PCDH15: variants seen among roughly 807,000 people sequenced by gnomAD.
The protein encoded by PCDH15 is protocadherin-15.
In PCDH15, 129 loss-of-function variants were observed where a neutral mutation model predicts 178.5. The ratio of observed to expected loss-of-function variants is 0.72; its 90% CI spans 0.63 to 0.84. The LOEUF is 0.84. Ranked by LOEUF, PCDH15 falls within the 40% of genes least tolerant of loss-of-function variation. PCDH15 has a pLI of 0.00. For missense variants in PCDH15, 2,230 were observed against 2,099.9 expected (o/e 1.06, Z -1.21); for synonymous variants, 800 against 732.0 (o/e 1.09, Z -1.50).
chr10:54,740,622 C>T (rs1436557201), intron 1 of PCDH15, among the ~76,000 whole-genome samples: 2 of 151,928 alleles, frequency 1.3e-5, no homozygotes, highest in African/African-American at 2.4e-5. Flanking sequence ...TGACATTAAT[C>T]TACGTCCATC....
At position 55,449,043 on chromosome 10, in the gene PCDH15, T is replaced by C. The variant is rs1020031146; in HGVS notation, c.-156+178582A>G. ...CTAATGAATATGCTTAATATAATAT[T>C]TGTAATCAAATTTATAGATAGATCT... On this transcript the variant is annotated intron_variant, in intron 2 of 5. Transcript: ENST00000613346. Among the ~76,000 whole-genome samples, 8 of 152,184 alleles carry C rather than the reference T, an allele frequency of 5.3e-5. No homozygotes were observed. The South Asian group carries it at 1.7e-3, about 32-fold the overall frequency.
At chr10:54,918,130 T>C (rs2131841110) in intron 2 of PCDH15, among the ~76,000 whole-genome samples, 1 of 152,294 alleles carries the variant, frequency 6.6e-6, no homozygotes, top group Non-Finnish European at 1.5e-5. Context: ...CTTGCTTTTC[T>C]AGCTTGTTAA....
chr10:54,183,664 A>G, intron 12 of PCDH15, 71 bp from the exon 13 acceptor site: 3 of 1,552,672 alleles, frequency 1.9e-6, no homozygotes, highest in Non-Finnish European at 2.7e-6. Flanking sequence ...TTGCTCTTAC[A>G]GTTTAACAAG....
intron 21 of PCDH15, among the ~76,000 whole-genome samples, chr10:53,964,395 T>G (rs1480618089): frequency 3.4e-5 from 5 of 147,710 alleles, no homozygotes; most frequent in Non-Finnish European, 6.0e-5. Flanking sequence ...TAAATTTTAT[T>G]TATTCATAAA....
chr10:55,135,906 G>C (rs1342656945), intron 2 of PCDH15, among the ~76,000 whole-genome samples: 1 of 151,976 alleles, frequency 6.6e-6, no homozygotes, highest in Non-Finnish European at 1.5e-5. Flanking sequence ...ATACCTTCTT[G>C]TTGAATTTGT....
chr10:54,796,260 A>ATCTG (rs1375878608), intron 1 of PCDH15, among the ~76,000 whole-genome samples: 18 of 104,818 alleles, frequency 1.7e-4, no homozygotes, highest in African/African-American at 2.6e-4. Flanking sequence ...CTATCTATCT[A>ATCTG]TCTATCTATC....
chr10:54,125,521 C>T (rs1270195384), intron 15 of PCDH15, among the ~76,000 whole-genome samples: 1 of 152,144 alleles, frequency 6.6e-6, no homozygotes, highest in Admixed American at 6.5e-5. Flanking sequence ...GGTAGATGTA[C>T]TTTGCTATTG....
intron 1 of PCDH15, among the ~76,000 whole-genome samples, chr10:54,797,113 C>T (rs1213357421): frequency 4.6e-5 from 7 of 151,922 alleles, no homozygotes; most frequent in African/African-American, 7.2e-5. Context: ...TTAATTCTAT[C>T]GGAAGTTTGC....
intron 33 of PCDH15, among the ~76,000 whole-genome samples, chr10:53,818,603 T>G (rs2132448837): frequency 6.6e-6 from 1 of 152,228 alleles, no homozygotes; most frequent in East Asian, 1.9e-4. Context: ...TATTCAATAT[T>G]ACATAAAGAT....
intron 2 of PCDH15, among the ~76,000 whole-genome samples, chr10:55,145,135 A>G (rs1591939178): frequency 6.6e-6 from 1 of 151,976 alleles, no homozygotes; most frequent in African/African-American, 2.4e-5. Context: ...ATTTCCTCTC[A>G]TGGACACTTG....
At chr10:55,282,084 A>C (rs1288843497) in intron 1 of PCDH15, among the ~76,000 whole-genome samples, 1 of 152,194 alleles carries the variant, frequency 6.6e-6, no homozygotes, top group Non-Finnish European at 1.5e-5. Flanking sequence ...ATGCAAATTC[A>C]ATCACTTAAT....
chr10:54,651,983 A>G (rs1291534550), intron 2 of PCDH15, among the ~76,000 whole-genome samples: 1 of 152,062 alleles, frequency 6.6e-6, no homozygotes, highest in Non-Finnish European at 1.5e-5. Flanking sequence ...ACAAAAAAAA[A>G]AAACCACACC....
intron 1 of PCDH15, among the ~76,000 whole-genome samples, chr10:54,742,461 G>A (rs1362623783): frequency 6.6e-6 from 1 of 151,970 alleles, no homozygotes; most frequent in Non-Finnish European, 1.5e-5. Context: ...GAATGATGAT[G>A]CTACTCAAGA....
At chr10:54,194,876 G>C (rs1006592952) in intron 11 of PCDH15, among the ~76,000 whole-genome samples, 1 of 151,940 alleles carries the variant, frequency 6.6e-6, no homozygotes, top group Admixed American at 6.6e-5. Context: ...GCACTCAATG[G>C]GACTCTCTTT....
intron 1 of PCDH15, among the ~76,000 whole-genome samples, chr10:55,301,739 A>T (rs1843286259): frequency 6.6e-6 from 1 of 152,136 alleles, no homozygotes; most frequent in African/African-American, 2.4e-5. Flanking sequence ...ATTTTAGTCC[A>T]TGATCCAGTT....
intron 23 of PCDH15, among the ~76,000 whole-genome samples, chr10:53,959,179 G>GTATATA (rs562660762): frequency 3.4e-5 from 5 of 147,158 alleles, no homozygotes; most frequent in African/African-American, 1.2e-4. Flanking sequence ...TATATAGTGT[G>GTATATA]TATATATATA....
chr10:55,228,746 A>T (rs1841127797), intron 1 of PCDH15, among the ~76,000 whole-genome samples: 1 of 152,020 alleles, frequency 6.6e-6, no homozygotes, highest in Non-Finnish European at 1.5e-5. Flanking sequence ...TTTTTAAATT[A>T]TGATAAACAA....
At chr10:54,178,152 G>A (rs1228495525) in intron 13 of PCDH15, among the ~76,000 whole-genome samples, 1 of 152,080 alleles carries the variant, frequency 6.6e-6, no homozygotes, top group East Asian at 1.9e-4. Flanking sequence ...TCATAAAAGG[G>A]TATAGTTGAG....
chr10:54,381,535 A>T (rs942539722), intron 3 of PCDH15, among the ~76,000 whole-genome samples: 4 of 152,034 alleles, frequency 2.6e-5, no homozygotes, highest in Admixed American at 6.6e-5. Context: ...CTCTTCTTTG[A>T]CTTCATTTTA....
Sources: gnomAD v4.1 joint callset for allele counts (sites outside exome capture counted in the v4.1 genomes callset) on GRCh38, gnomAD v4.1.1 for gene constraint, MANE v1.5 for transcripts, NCBI Gene and HGNC (gene_info 2026-07-23, HGNC 2026-07-21) for gene names.